Variants in PARD3B observed in about 807,000 individuals in gnomAD.
PARD3B encodes partitioning defective 3 homolog B.
PARD3B carries 103 observed loss-of-function variants against 130.2 expected under a neutral mutation model. That is an observed-to-expected ratio of 0.79 (90% confidence interval 0.67 to 0.93). PARD3B has a LOEUF of 0.93. Ranked by LOEUF, PARD3B falls within the 40% of genes least tolerant of loss-of-function variation. PARD3B has a pLI of 0.00. For synonymous variants in PARD3B, 583 were observed against 553.2 expected (o/e 1.05, Z -0.76); for missense variants, 1,609 against 1,499.2 (o/e 1.07, Z -1.21).
Position 205,029,308 on chromosome 2 carries a change from G to A in PARD3B, c.395-18273G>A, listed in dbSNP as rs142843642. ...CATCATTGTCTTTCTACAGAAGGCC[G>A]CCTTTGACTCCGAGAGACATAACCT... On this transcript the variant is annotated intron_variant, in intron 3 of 22. Coordinates refer to ENST00000406610, the MANE Select transcript of PARD3B (RefSeq NM_001302769.2). Among the ~76,000 whole-genome samples, 1,321 of 152,096 alleles carry A rather than the reference G, an allele frequency of 8.7e-3. 14 individuals are homozygous for A. The highest frequency in any genetic ancestry group is 0.028 in the African/African-American group (1,178 of 41,520).
intron 11 of PARD3B, among the ~76,000 whole-genome samples, chr2:205,161,976 T>C (rs986859833): frequency 6.6e-6 from 1 of 152,216 alleles, no homozygotes; most frequent in African/African-American, 2.4e-5. Context: ...TCTTGCCAGA[T>C]GTAAAACCCC....
chr2:205,605,143 G>C (rs991139990), intron 22 of PARD3B, among the ~76,000 whole-genome samples: 1 of 152,042 alleles, frequency 6.6e-6, no homozygotes, highest in African/African-American at 2.4e-5. Flanking sequence ...CTTTGCATTG[G>C]GTTAGAACAT....
chr2:205,302,138 G>A (rs370863082), intron 18 of PARD3B, among the ~76,000 whole-genome samples: 5 of 124,568 alleles, frequency 4.0e-5, no homozygotes, highest in African/African-American at 1.6e-4. Context: ...GCGTGATCTC[G>A]GCTCACTGCA....
chr2:205,314,498 A>T (rs4675513), intron 18 of PARD3B, among the ~76,000 whole-genome samples: 84,419 of 152,082 alleles, frequency 0.56, 27,120 homozygotes, highest in South Asian at 0.75. Flanking sequence ...CCAGCAATTT[A>T]GTAACATGAG....
rs376828596 is a variant in PARD3B, at chr2:205,531,049, G to T, written c.3181-22275G>T. On this transcript the variant is annotated intron_variant, in intron 21 of 22. Transcript: ENST00000406610. The stretch of plus-strand genomic sequence containing the variant: ...AGCCAACAAGAGCCTAAACGTGATT[G>T]CTGTGGAAGAACTGAAGTGCATACT... 6.3e-4 allele frequency among the ~76,000 whole-genome samples: 96 copies of T among 152,304 alleles called. 1 individual carries two copies. Among genetic ancestry groups the T allele is most frequent in the African/African-American group, 2.3e-3 (95 of 41,554 alleles).
intron 2 of PARD3B, among the ~76,000 whole-genome samples, chr2:204,805,759 A>T (rs893345421): frequency 2.0e-5 from 3 of 152,268 alleles, no homozygotes; most frequent in Non-Finnish European, 2.9e-5. Context: ...GTGGTTCACC[A>T]CATACAAACC....
intron 2 of PARD3B, among the ~76,000 whole-genome samples, chr2:204,893,607 T>G (rs938103602): frequency 4.6e-5 from 7 of 152,218 alleles, no homozygotes; most frequent in Non-Finnish European, 7.3e-5. Flanking sequence ...AAATTAATTT[T>G]AATAGCATAG....
At chr2:205,512,708 A>T (rs532144037) in intron 21 of PARD3B, among the ~76,000 whole-genome samples, 1 of 152,260 alleles carries the variant, frequency 6.6e-6, no homozygotes, top group South Asian at 2.1e-4. Flanking sequence ...TGTATCTTTA[A>T]GCCTGTGTGT....
At chr2:205,267,295 T>C (rs538068803) in intron 16 of PARD3B, among the ~76,000 whole-genome samples, 3 of 145,244 alleles carry the variant, frequency 2.1e-5, no homozygotes, top group South Asian at 2.2e-4. Flanking sequence ...TGTACTGATA[T>C]TGTATAAGGT....
rs1034185814 is a variant in PARD3B at position 204,927,654 on chromosome 2, A to C, written c.223-37498A>C. ...ATGGTTTGAATTGATACAGGAATCC[A>C]TTCTATTAGAGAGGAGTTATAGGCA... On this transcript the variant is annotated intron_variant, in intron 2 of 22. Transcript: ENST00000406610. Among the ~76,000 whole-genome samples the C allele has an allele frequency of 8.5e-5, 13 of 152,288 alleles. No individual in the cohort carries two copies. The East Asian group carries it at 2.3e-3, about 27-fold the overall frequency.
chr2:204,970,668 G>C (rs141664929), intron 3 of PARD3B, among the ~76,000 whole-genome samples: 82 of 152,156 alleles, frequency 5.4e-4, no homozygotes, highest in Middle Eastern at 3.4e-3. Context: ...GCTAATTTGG[G>C]TTCAAGCTTT....
Position 204,677,946 on chromosome 2 carries a change from A to G in PARD3B, c.121-8235A>G, listed in dbSNP as rs28751884. Among the ~76,000 whole-genome samples the G allele has an allele frequency of 0.012, 1,796 of 152,318 alleles. 32 individuals carry two copies. Among genetic ancestry groups the G allele is most frequent in the African/African-American group, 0.041 (1,706 of 41,556 alleles). On this transcript the variant is annotated intron_variant, in intron 1 of 22. Coordinates refer to ENST00000406610, the MANE Select transcript of PARD3B (RefSeq NM_001302769.2). The surrounding 1 kb of genome is among the most constrained non-coding windows in gnomAD (Gnocchi z 4.1). ...GGTCTTCATTTGTTTAGCTGTAGAG[A>G]TGGCATGTGCAAAAGGAACAATTAG...
At chr2:205,475,979 G>A (rs557511139) in intron 20 of PARD3B, among the ~76,000 whole-genome samples, 49 of 152,272 alleles carry the variant, frequency 3.2e-4, no homozygotes, top group African/African-American at 1.2e-3. Flanking sequence ...TTTTATTGCT[G>A]TTAATTTTAC....
chr2:205,128,251 C>T lies in PARD3B; in HGVS notation c.1434+2514C>T, dbSNP rs1025861112. Among the ~76,000 whole-genome samples the T allele has an allele frequency of 1.3e-5, 2 of 152,204 alleles. No individual in the cohort carries two copies. The highest frequency in any genetic ancestry group is 2.4e-5 in the African/African-American group (1 of 41,446). ...GCAACCACAGAACTCCAACTAGGAA[C>T]TTAAACCCTCGAGCCTGCAGTTTCT... On this transcript the variant is annotated intron_variant, in intron 10 of 22. Transcript: ENST00000406610. This position sits in a 1 kb window ranked among gnomAD's most constrained non-coding sequence, Gnocchi z 4.5.
At chr2:205,305,081 G>A (rs1018680846) in intron 18 of PARD3B, among the ~76,000 whole-genome samples, 1 of 152,206 alleles carries the variant, frequency 6.6e-6, no homozygotes, top group Admixed American at 6.5e-5. Context: ...TGAGCAGAAG[G>A]TGTGAGCTTC....
chr2:204,721,774 A>G (rs1052699580), intron 2 of PARD3B, among the ~76,000 whole-genome samples: 2 of 152,124 alleles, frequency 1.3e-5, no homozygotes, highest in Non-Finnish European at 1.5e-5. Context: ...CTAAGTTATT[A>G]TATTTGAATT....
chr2:205,466,388 T>G (rs532603267), intron 20 of PARD3B, among the ~76,000 whole-genome samples: 5 of 152,246 alleles, frequency 3.3e-5, no homozygotes, highest in East Asian at 3.9e-4. Flanking sequence ...TGACATTTTT[T>G]GGGTCTTTTT....
intron 22 of PARD3B, among the ~76,000 whole-genome samples, chr2:205,609,396 A>G (rs931153902): frequency 7.9e-5 from 12 of 152,186 alleles, no homozygotes; most frequent in African/African-American, 2.9e-4. Context: ...CAAGAATAGC[A>G]TGGCTCTGCC....
At chr2:205,479,777 G>C (rs1434408753) in intron 20 of PARD3B, among the ~76,000 whole-genome samples, 1 of 152,012 alleles carries the variant, frequency 6.6e-6, no homozygotes, top group Non-Finnish European at 1.5e-5. Context: ...TTTACTCAGA[G>C]TCAAATCCAA....
Sources: gnomAD v4.1 joint callset for allele counts (sites outside exome capture counted in the v4.1 genomes callset) on GRCh38, gnomAD v4.1.1 for gene constraint, Gnocchi (gnomAD v3.1) non-coding constraint, MANE v1.5 for transcripts, NCBI Gene and HGNC (gene_info 2026-07-23, HGNC 2026-07-21) for gene names.